ETV6: variants seen among roughly 807,000 people sequenced by gnomAD.
ETV6 encodes the protein ETS variant transcription factor 6, also known as transcription factor ETV6.
A neutral mutation model predicts 51.1 loss-of-function variants in ETV6; 16 were observed. That is an observed-to-expected ratio of 0.31 (90% CI 0.21 to 0.48). The LOEUF is 0.48. ETV6 is among the 20% of genes least tolerant of loss of function. The pLI, the probability that ETV6 is intolerant of heterozygous loss-of-function variation, is 0.99. For missense variants in ETV6, 458 were observed against 594.8 expected, an observed-to-expected ratio of 0.77 and a Z score of 2.39; for synonymous variants, 240 against 224.1, an observed-to-expected ratio of 1.07 and a Z score of -0.64.
intron 1 of ETV6, among the ~76,000 whole-genome samples, chr12:11,697,142 T>C (rs1423560251): frequency 6.6e-6 from 1 of 152,244 alleles, no homozygotes; most frequent in Non-Finnish European, 1.5e-5. Context: ...AACTCATCAC[T>C]TAGGCAGTGG....
At chr12:11,710,466 G>A (rs1865153575) in intron 1 of ETV6, among the ~76,000 whole-genome samples, 1 of 152,144 alleles carries the variant, frequency 6.6e-6, no homozygotes, top group South Asian at 2.1e-4. Context: ...AATCCCAGGT[G>A]GTAACTACTA....
chr12:11,732,991 A>C (rs568866942), intron 1 of ETV6, among the ~76,000 whole-genome samples: 71 of 152,216 alleles, frequency 4.7e-4, no homozygotes, highest in African/African-American at 1.7e-3. Flanking sequence ...AAATTCTAGC[A>C]CCACTGTGTG....
chr12:11,764,141 A>G (rs1381650065), intron 2 of ETV6, among the ~76,000 whole-genome samples: 2 of 152,176 alleles, frequency 1.3e-5, no homozygotes, highest in Admixed American at 1.3e-4. Flanking sequence ...GATAATTAAT[A>G]CCTCAAGTCC....
chr12:11,859,118 G>GCTTTTTTTTTTTTTTTT lies in ETV6; in HGVS notation c.463+5557_463+5558insCTTTTTTTTTTTTTTTT, dbSNP rs1565555150. Among the ~76,000 whole-genome samples, 93 of 41,800 alleles carry GCTTTTTTTTTTTTTTTT rather than the reference G, an allele frequency of 2.2e-3. 43 individuals carry two copies. The highest frequency in any genetic ancestry group is 5.2e-3 in the African/African-American group (75 of 14,398). 27.4% of individuals were successfully genotyped at this position (41,800 alleles called of 152,430 possible). On this transcript the variant is annotated intron_variant, in intron 4 of 7. Transcript: ENST00000396373. ...TAAAGAAGATGAGGTATATGAATCTGGTTTTTTTTTTTTTTTTTTTTTTTT... is the reference window on the plus strand; with the variant it reads ...TAAAGAAGATGAGGTATATGAATCTGCTTTTTTTTTTTTTTTTGTTTTTTTTTTTTTTTTTTTTTTTT...
chr12:11,728,509 A>G (rs549620857), intron 1 of ETV6, among the ~76,000 whole-genome samples: 4 of 152,320 alleles, frequency 2.6e-5, no homozygotes, highest in African/African-American at 4.8e-5. Flanking sequence ...TCTTATGAGA[A>G]TCTAATGATA....
chr12:11,893,918 G>T lies in ETV6; in HGVS notation c.*2872G>T, dbSNP rs1947348876. ...AAAATCCGAGACCCAGAACACTTCT[G>T]GTCCCAAGCATTTCAGATAAGGGAT... On this transcript the variant is annotated 3_prime_UTR_variant, in exon 8 of 8. Coordinates refer to ENST00000396373, the MANE Select transcript of ETV6 (RefSeq NM_001987.5). 4.9e-6 allele frequency: 1 copy of T among 202,542 alleles called. No individual in the cohort carries two copies. Among genetic ancestry groups the T allele is most frequent in the Admixed American group, 6.1e-5 (1 of 16,392 alleles). 12.5% of individuals were successfully genotyped at this position (202,542 alleles called of 1,614,324 possible). A position where few individuals can be genotyped will look rare whatever the true frequency, so the allele number is the denominator to read the frequency against.
chr12:11,696,027 A>G lies in ETV6; in HGVS notation c.33+45867A>G, dbSNP rs550553388. On this transcript the variant is annotated intron_variant, in intron 1 of 7. Coordinates refer to ENST00000396373, the MANE Select transcript of ETV6 (RefSeq NM_001987.5). Reference sequence around the variant, plus strand: ...GGGAGGGGAGATGATAGGTGTAGGGAAAAAAAAAAGAAACTTTTTCCTCTA... The same window carrying G: ...GGGAGGGGAGATGATAGGTGTAGGGGAAAAAAAAAGAAACTTTTTCCTCTA... Among the ~76,000 whole-genome samples the G allele has an allele frequency of 2.8e-4, 42 of 149,216 alleles. 1 individual carries two copies. Among genetic ancestry groups the G allele is most frequent in the African/African-American group, 6.9e-4 (28 of 40,314 alleles).
intron 1 of ETV6, among the ~76,000 whole-genome samples, chr12:11,751,064 C>T (rs1866016874): frequency 6.6e-6 from 1 of 152,028 alleles, no homozygotes; most frequent in African/African-American, 2.4e-5. Context: ...ATTCCAACTG[C>T]CCTACTTGCT....
rs11414088 is a variant in ETV6, at chr12:11,890,591, A to ATT, written c.1254-338_1254-337dup. Among the ~76,000 whole-genome samples the ATT allele has an allele frequency of 1.4e-3, 206 of 146,952 alleles. 2 individuals are homozygous for ATT. Among genetic ancestry groups the ATT allele is most frequent in the African/African-American group, 3.4e-3 (135 of 40,118 alleles). ...TACAGGTGCACACCACCGTACCCAG[A>ATT]TTTTTTTTTTTTTGGTAGAGGTGGG... On this transcript the variant is annotated intron_variant, in intron 7 of 7. Transcript: ENST00000396373.
Position 11,893,354 on chromosome 12 carries a change from TC to T in ETV6, c.*2309del, listed in dbSNP as rs1947325730. 2 of 185,008 alleles carry T rather than the reference TC, an allele frequency of 1.1e-5. No homozygotes were observed. The highest frequency in any genetic ancestry group is 2.7e-5 in the African/African-American group (1 of 36,396). 11.5% of individuals were successfully genotyped at this position (185,008 alleles called of 1,614,324 possible). On this transcript the variant is annotated 3_prime_UTR_variant, in exon 8 of 8. Coordinates refer to ENST00000396373, the MANE Select transcript of ETV6 (RefSeq NM_001987.5). ...GTGCAAGAACTCAGTCTCTTACTGT[TC>T]AAAGAATCTTAACAGTTGAATTATG...
chr12:11,735,287 C>G (rs1228763777), intron 1 of ETV6, among the ~76,000 whole-genome samples: 2 of 151,968 alleles, frequency 1.3e-5, no homozygotes, highest in African/African-American at 4.8e-5. Flanking sequence ...TCACAGACCC[C>G]CAATTGTATA....
rs560478550 is a variant in ETV6 at position 11,854,700 on chromosome 12, C to T, written c.463+1139C>T. On this transcript the variant is annotated intron_variant, in intron 4 of 7. Transcript: ENST00000396373. ...TAGCTTGGAACCAGAGTGTGGAGAA[C>T]TTTGATTTCTGGAATATGGAGGAAA... Among the ~76,000 whole-genome samples the T allele has an allele frequency of 1.8e-4, 28 of 152,106 alleles. No homozygotes were observed. In the East Asian group the frequency reaches 5.2e-3, roughly 28 times the overall value.
chr12:11,754,226 C>T (rs902056285), intron 2 of ETV6, among the ~76,000 whole-genome samples: 2 of 152,102 alleles, frequency 1.3e-5, no homozygotes, highest in African/African-American at 2.4e-5. Context: ...CTGCTGTGCC[C>T]GGCACTCTTC....
At chr12:11,705,257 C>T (rs2724648) in intron 1 of ETV6, among the ~76,000 whole-genome samples, 87,148 of 152,048 alleles carry the variant, frequency 0.57, 26,129 homozygotes, top group Middle Eastern at 0.74. Flanking sequence ...ATGCTAGCTC[C>T]GGGAAACAAT....
chr12:11,793,837 G>A (rs1945639589), intron 2 of ETV6, among the ~76,000 whole-genome samples: 1 of 152,192 alleles, frequency 6.6e-6, no homozygotes. Flanking sequence ...CCTTTTTTGT[G>A]TAGAAGAAAA....
Position 11,891,064 on chromosome 12 carries a change from C to T in ETV6, c.*18C>T, listed in dbSNP as rs373407006. 9.4e-6 allele frequency: 15 copies of T among 1,589,282 alleles called. No individual in the cohort carries two copies. Among genetic ancestry groups the T allele is most frequent in the Non-Finnish European group, 1.3e-5 (15 of 1,158,126 alleles). ...AATGCTGAAGGAACCAACAGTCCAC[C>T]TCAGCGGGCCAGCAGCCCAGGGAAC... On this transcript the variant is annotated 3_prime_UTR_variant, in exon 8 of 8. Coordinates refer to ENST00000396373, the MANE Select transcript of ETV6 (RefSeq NM_001987.5).
chr12:11,834,426 G>A (rs1016065231), intron 2 of ETV6, among the ~76,000 whole-genome samples: 5 of 152,208 alleles, frequency 3.3e-5, no homozygotes, highest in African/African-American at 9.6e-5. Context: ...GGCTACTGTA[G>A]CAGAAAAGCT....
intron 2 of ETV6, among the ~76,000 whole-genome samples, chr12:11,771,638 A>G (rs1945242644): frequency 2.6e-5 from 4 of 151,970 alleles, no homozygotes; most frequent in Admixed American, 2.6e-4. Context: ...CTCACAGCAA[A>G]TAGGAAGAAA....
intron 2 of ETV6, among the ~76,000 whole-genome samples, chr12:11,756,966 GAC>G (rs1188166881): frequency 6.6e-6 from 1 of 152,200 alleles, no homozygotes; most frequent in East Asian, 1.9e-4. Context: ...TTTGCCCGCA[GAC>G]TGTGCATTTT....
Sources: allele counts gnomAD v4.1 joint callset (sites outside exome capture counted in the v4.1 genomes callset), GRCh38; gene constraint gnomAD v4.1.1; transcripts MANE v1.5; gene names NCBI Gene and HGNC (gene_info 2026-07-23, HGNC 2026-07-21).